Variants in AMPH observed in about 807,000 individuals in gnomAD.
AMPH encodes amphiphysin.
AMPH carries 49 observed loss-of-function variants against 99.1 expected under a neutral mutation model. That is an observed-to-expected ratio of 0.49 (90% CI 0.39 to 0.63). The LOEUF is 0.63. AMPH is among the 20% of genes least tolerant of loss of function. AMPH has a pLI of 0.00. For missense variants in AMPH, 759 were observed against 863.4 expected (o/e 0.88, Z 1.52); for synonymous variants, 314 against 317.3 (o/e 0.99, Z 0.11).
intron 1 of AMPH, among the ~76,000 whole-genome samples, chr7:38,581,782 G>A (rs992472274): frequency 6.6e-6 from 1 of 152,172 alleles, no homozygotes; most frequent in Non-Finnish European, 1.5e-5. Context: ...GAGCTTGGCT[G>A]ATGGACGAGA....
chr7:38,493,026 A>G (rs865804228), intron 4 of AMPH, among the ~76,000 whole-genome samples: 42 of 152,206 alleles, frequency 2.8e-4, no homozygotes, highest in African/African-American at 9.6e-4. Context: ...TACATCCTGA[A>G]AGTTTTTGAA....
chr7:38,420,971 G>A (rs1446824909), intron 16 of AMPH: 1 of 456,600 alleles, frequency 2.2e-6, no homozygotes, highest in Non-Finnish European at 4.4e-6. Context: ...TGGGAAGATC[G>A]TGTACAATCA....
intron 1 of AMPH, among the ~76,000 whole-genome samples, chr7:38,585,173 C>G (rs1482283846): frequency 1.3e-5 from 2 of 152,120 alleles, no homozygotes; most frequent in Non-Finnish European, 2.9e-5. Flanking sequence ...TCACAAGAAC[C>G]CCATGGCATA....
At chr7:38,417,747 G>C in intron 17 of AMPH, 78 bp downstream of exon 17, 1 of 1,557,842 alleles carries the variant, frequency 6.4e-7, no homozygotes, top group Non-Finnish European at 8.7e-7. Flanking sequence ...GCAAAGATGA[G>C]AGCGATGCAT....
rs192883457 is a variant in AMPH, at chr7:38,560,442, A to G, written c.70-25431T>C. Among the ~76,000 whole-genome samples, 334 of 152,354 alleles carry G rather than the reference A, an allele frequency of 2.2e-3. 1 individual carries two copies. Among genetic ancestry groups the G allele is most frequent in the Middle Eastern group, 6.8e-3 (2 of 294 alleles). ...AATTCCCACCTGGCCCATGGAATTG[A>G]GAGAAATGATAAACATTTGTTGTTT... On this transcript the variant is annotated intron_variant, in intron 1 of 20. Coordinates refer to ENST00000356264, the MANE Select transcript of AMPH (RefSeq NM_001635.4).
intron 2 of AMPH, among the ~76,000 whole-genome samples, chr7:38,525,788 T>C (rs971502512): frequency 6.6e-6 from 1 of 152,166 alleles, no homozygotes; most frequent in African/African-American, 2.4e-5. Context: ...TTATTTTCTT[T>C]TCATTGCTTA....
At chr7:38,385,768 C>A (rs762102839) in intron 20 of AMPH, among the ~76,000 whole-genome samples, 1 of 152,208 alleles carries the variant, frequency 6.6e-6, no homozygotes, top group Non-Finnish European at 1.5e-5. Flanking sequence ...ATACTTAAAA[C>A]TGAGAAACAG....
intron 16 of AMPH, chr7:38,421,039 G>A (rs1785564066): frequency 2.2e-6 from 1 of 456,520 alleles, no homozygotes; most frequent in South Asian, 1.5e-5. Flanking sequence ...GCAGGACCAA[G>A]GTTAGCAGCA....
intron 20 of AMPH, among the ~76,000 whole-genome samples, chr7:38,389,598 T>C (rs3815509): frequency 0.18 from 27,515 of 152,142 alleles, 2,927 homozygotes; most frequent in Admixed American, 0.26. Context: ...ACTGTTTGTA[T>C]TATATAAAAA....
chr7:38,628,139 G>A (rs920718419), intron 1 of AMPH, among the ~76,000 whole-genome samples: 2 of 152,116 alleles, frequency 1.3e-5, no homozygotes, highest in Admixed American at 6.6e-5. Flanking sequence ...TACAGAAAAC[G>A]GGCAGAAATA....
At chr7:38,540,856 G>C (rs1407768136) in intron 1 of AMPH, among the ~76,000 whole-genome samples, 1 of 151,604 alleles carries the variant, frequency 6.6e-6, no homozygotes, top group East Asian at 1.9e-4. Flanking sequence ...AGATGCCTTA[G>C]TGGCATTCAT....
chr7:38,519,792 C>A (rs1311019210), intron 2 of AMPH, among the ~76,000 whole-genome samples: 1 of 151,992 alleles, frequency 6.6e-6, no homozygotes, highest in Non-Finnish European at 1.5e-5. Flanking sequence ...TAGTAAATGA[C>A]AATATAAAAA....
At chr7:38,529,167 A>G (rs1790301327) in intron 2 of AMPH, among the ~76,000 whole-genome samples, 1 of 152,226 alleles carries the variant, frequency 6.6e-6, no homozygotes, top group African/African-American at 2.4e-5. Context: ...TGCCTGTTAA[A>G]TATCAGATCA....
chr7:38,479,547 A>G (rs1177999894), intron 5 of AMPH, among the ~76,000 whole-genome samples: 1 of 152,130 alleles, frequency 6.6e-6, no homozygotes, highest in Admixed American at 6.6e-5. Flanking sequence ...TTCAGAGCAA[A>G]AAAACATAAC....
Position 38,461,294 on chromosome 7 carries a change from T to C in AMPH, c.1006A>G (p.Thr336Ala), listed in dbSNP as rs751381263. 2.5e-6 allele frequency: 4 copies of C among 1,613,974 alleles called. No individual in the cohort carries two copies. The highest frequency in any genetic ancestry group is 3.3e-5 in the Admixed American group (2 of 60,028). The change falls in exon 11 of 21, where the codon ACA becomes GCA. Residue 336 changes from threonine (T) to alanine (A), a missense_variant. Physicochemically the swap from Thr to Ala is moderately conservative, Grantham distance 58. Around this residue, in one of 2 missense-constraint regions of AMPH, gnomAD observed 554 missense variants for 575.6 expected, o/e 0.96. Transcript: ENST00000356264. ...DNFVPEISVT[T>A]PSQNEVPEVK... is the part of the protein sequence containing the mutation. ...AACCAGGCACTTACCTGGGAAGGTG[T>C]TGTCACACTGATTTCTGGAACAAAG...
intron 5 of AMPH, among the ~76,000 whole-genome samples, chr7:38,487,474 A>G (rs1463541037): frequency 6.6e-6 from 1 of 152,216 alleles, no homozygotes; most frequent in East Asian, 1.9e-4. Context: ...AGCTATATGC[A>G]GAAAACTGAA....
chr7:38,424,641 A>G (rs1230020889), intron 15 of AMPH, among the ~76,000 whole-genome samples: 1 of 151,510 alleles, frequency 6.6e-6, no homozygotes, highest in Non-Finnish European at 1.5e-5. Flanking sequence ...TGAGAGAACA[A>G]AGGAAAAAAA....
At chr7:38,502,665 G>A (rs1197612507) in intron 3 of AMPH, among the ~76,000 whole-genome samples, 1 of 152,046 alleles carries the variant, frequency 6.6e-6, no homozygotes, top group Admixed American at 6.6e-5. Flanking sequence ...CCACTTGGCT[G>A]TGCAATACTC....
chr7:38,569,935 T>C (rs1202881745), intron 1 of AMPH, among the ~76,000 whole-genome samples: 1 of 152,238 alleles, frequency 6.6e-6, no homozygotes, highest in African/African-American at 2.4e-5. Context: ...ATAAGTTTCT[T>C]GGAAATAAAT....
Sources: gnomAD v4.1 joint callset for allele counts (sites outside exome capture counted in the v4.1 genomes callset) on GRCh38, gnomAD v4.1.1 for gene constraint, gnomAD v4.1.1 regional missense constraint, MANE v1.5 for transcripts, NCBI Gene and HGNC (gene_info 2026-07-23, HGNC 2026-07-21) for gene names.